The following INSL6 variants were observed in gnomAD, a reference collection of about 807,000 sequenced individuals.
INSL6 encodes insulin-like peptide INSL6.
INSL6 carries 16 observed loss-of-function variants against 9.4 expected under a neutral mutation model. The observed-to-expected ratio is 1.70, with a 90% CI of 1.15 to 2.59. The LOEUF (loss-of-function observed/expected upper bound fraction) is 2.59, where lower values mean the gene tolerates loss of function less well. Among genes scored for constraint, INSL6 ranks in the 30% most tolerant of loss-of-function variants. The pLI is 0.00. For missense variants in INSL6, 391 were observed against 257.3 expected (o/e 1.52, Z -3.56); for synonymous variants, 154 against 96.9 (o/e 1.59, Z -3.46).
chr9:5,145,580 C>T (rs1824586734), intron 2 of INSL6, among the ~76,000 whole-genome samples: 1 of 152,172 alleles, frequency 6.6e-6, no homozygotes, highest in African/African-American at 2.4e-5. Context: ...CTTCCCAGCT[C>T]TTTCAGATAT....
chr9:5,021,916 A>G, the INSL6 span: 2 of 1,135,238 alleles, frequency 1.8e-6, no homozygotes, highest in Middle Eastern at 3.9e-4. Context: ...TACAGGTGTG[A>G]GACACTGCGC....
rs183017494 is a variant in INSL6, at chr9:5,157,114, A to C, written c.376+7065T>G. Among the ~76,000 whole-genome samples, 436 of 152,306 alleles carry C rather than the reference A, an allele frequency of 2.9e-3. 2 individuals carry two copies. The highest frequency in any genetic ancestry group is 3.4e-3 in the Middle Eastern group (1 of 294). Reference sequence around the variant, plus strand: ...TACAAAATATTGCTGAAATTAAAGAAGACCTGCAAAAATGGAAAATATATA... The same window carrying C: ...TACAAAATATTGCTGAAATTAAAGACGACCTGCAAAAATGGAAAATATATA... On this transcript the variant is annotated intron_variant, in intron 2 of 3. Transcript: ENST00000649639.
At chr9:5,066,633 A>G in the INSL6 span, 2 of 1,032,970 alleles carry the variant, frequency 1.9e-6, no homozygotes, top group Non-Finnish European at 3.1e-6. Context: ...TCATAATATT[A>G]TGGTGCTTGA....
the INSL6 span, chr9:5,055,718 A>G: frequency 1.9e-6 from 3 of 1,601,806 alleles, no homozygotes; most frequent in African/African-American, 1.3e-5. Context: ...GTCAGTATTA[A>G]GCAAGCAAAC....
chr9:5,126,101 C>A, intron 3 of INSL6: 1 of 369,302 alleles, frequency 2.7e-6, no homozygotes, highest in Admixed American at 4.5e-5. Flanking sequence ...GTTTTGAGCC[C>A]TCCTCAGGGG....
chr9:5,090,745 G>A, the INSL6 span: 44 of 1,602,296 alleles, frequency 2.7e-5, no homozygotes, highest in Non-Finnish European at 3.4e-5. Context: ...ATAGGGTATG[G>A]AGTATCTTGG....
the INSL6 span, among the ~76,000 whole-genome samples, chr9:4,993,948 G>C: frequency 5.9e-5 from 9 of 152,190 alleles, no homozygotes; most frequent in Non-Finnish European, 1.2e-4. Flanking sequence ...CAGACTGAGT[G>C]ATCATGTATG....
At chr9:5,127,523 T>C (rs1199547325) in intron 3 of INSL6, 1 of 231,156 alleles carries the variant, frequency 4.3e-6, no homozygotes. Flanking sequence ...ATCTATTTTA[T>C]TATGGTTTCC....
chr9:5,179,032 G>C (rs1334558480), intron 1 of INSL6, among the ~76,000 whole-genome samples: 1 of 140,562 alleles, frequency 7.1e-6, no homozygotes, highest in African/African-American at 2.8e-5. Context: ...AAACTAAAGG[G>C]CTTCTGCACA....
the INSL6 span, chr9:5,100,879 A>ACTAT: frequency 6.6e-6 from 1 of 152,214 alleles, no homozygotes; most frequent in Non-Finnish European, 1.5e-5. Flanking sequence ...AACATTTCTC[A>ACTAT]CTATCTGCTT....
chr9:5,125,000 AT>A (rs1402671173), intron 3 of INSL6, among the ~76,000 whole-genome samples: 1 of 151,544 alleles, frequency 6.6e-6, no homozygotes, highest in Admixed American at 6.6e-5. Flanking sequence ...CTTTTATTAA[AT>A]CCAGTAAGCT....
At chr9:5,027,299 T>G in the INSL6 span, among the ~76,000 whole-genome samples, 5 of 152,250 alleles carry the variant, frequency 3.3e-5, no homozygotes, top group Non-Finnish European at 5.9e-5. Context: ...GGTTTCCCAG[T>G]GCATATAAAA....
At chr9:5,182,101 G>T (rs1474528323) in intron 1 of INSL6, among the ~76,000 whole-genome samples, 2 of 152,134 alleles carry the variant, frequency 1.3e-5, no homozygotes, top group African/African-American at 4.8e-5. Flanking sequence ...TTCATAAGGG[G>T]ACACATACAA....
In INSL6 at chr9:5,185,460, G is replaced by A. The variant is rs62620190; in HGVS notation, c.143C>T (p.Ala48Val). 6,356 of 1,614,126 alleles carry A rather than the reference G, an allele frequency of 3.9e-3. 234 individuals are homozygous for A. In the African/African-American group the frequency reaches 0.076, roughly 19 times the overall value. Residue 48 changes from alanine (A) to valine (V), a missense_variant, in exon 1 of 2, where the codon GCC (alanine) becomes GTC (valine). Ala to Val is a moderately conservative substitution (Grantham distance 64). Coordinates refer to ENST00000381641, the MANE Select transcript of INSL6 (RefSeq NM_007179.3). ...VKEIEKLCGH[A>V]NWSQFRFEEE... ...CTCGAAACGGAACTGGCTCCAGTTG[G>A]CATGGCCGCAGAGTTTTTCTATTTC...
intron 2 of INSL6, among the ~76,000 whole-genome samples, chr9:5,154,005 G>A (rs1322518171): frequency 6.6e-6 from 1 of 152,134 alleles, no homozygotes; most frequent in Non-Finnish European, 1.5e-5. Context: ...AAAAGAGCCT[G>A]CATAGCCAAG....
At chr9:5,118,705 G>C in the INSL6 span, among the ~76,000 whole-genome samples, 1 of 152,198 alleles carries the variant, frequency 6.6e-6, no homozygotes, top group Non-Finnish European at 1.5e-5. Flanking sequence ...GACAGGAATG[G>C]AAGGAGTTTT....
chr9:5,043,223 C>T, the INSL6 span, among the ~76,000 whole-genome samples: 1 of 152,078 alleles, frequency 6.6e-6, no homozygotes, highest in East Asian at 1.9e-4. Context: ...GGGCGGTGGC[C>T]GTGAGTCTGG....
the INSL6 span, chr9:5,114,718 AG>A: frequency 2.6e-6 from 1 of 382,212 alleles, no homozygotes; most frequent in South Asian, 2.1e-5. Flanking sequence ...GAATGGGAAC[AG>A]AAAAACGAGT....
rs1356786590 is a variant in INSL6, at chr9:5,164,161, A to C, written c.394T>G (p.Ser132Ala). 1 of 1,607,660 alleles carries C rather than the reference A, an allele frequency of 6.2e-7. No individual in the cohort carries two copies. Among genetic ancestry groups the C allele is most frequent in the East Asian group, 2.2e-5 (1 of 44,768 alleles). Residue 132 changes from serine to alanine, a missense_variant, in exon 2 of 2, where the codon TCT becomes GCT. Ser to Ala is a moderately conservative substitution (Grantham distance 99). Coordinates refer to ENST00000381641, the MANE Select transcript of INSL6 (RefSeq NM_007179.3). ...YSPLGKTREFSSSHNINVYIH... is the reference protein window; with the variant it reads ...YSPLGKTREFASSHNINVYIH... ...TATACATTGATATTATGTGATGAAGAAAATTCTCTTGTCTTACCAAGGGGT... is the reference window on the plus strand; with the variant it reads ...TATACATTGATATTATGTGATGAAGCAAATTCTCTTGTCTTACCAAGGGGT...
Sources: allele counts gnomAD v4.1 joint callset (sites outside exome capture counted in the v4.1 genomes callset), GRCh38; gene constraint gnomAD v4.1.1; transcripts MANE v1.5; gene names NCBI Gene and HGNC (gene_info 2026-07-23, HGNC 2026-07-21).